Variants in ZNF385D observed in about 807,000 individuals in gnomAD.
The protein encoded by ZNF385D is zinc finger protein 659.
In ZNF385D, 15 loss-of-function variants were observed where a neutral mutation model predicts 35.8. The ratio of observed to expected loss-of-function variants is 0.42; its 90% CI spans 0.28 to 0.64. The LOEUF (loss-of-function observed/expected upper bound fraction) is 0.64. Ranked by LOEUF, ZNF385D falls within the 30% of genes least tolerant of loss-of-function variation. ZNF385D has a pLI of 0.23. For synonymous variants in ZNF385D, 212 were observed against 186.8 expected (o/e 1.13, Z -1.10); for missense variants, 474 against 494.6 (o/e 0.96, Z 0.39).
At chr3:21,802,284 C>T (rs1368390636) in intron 3 of ZNF385D, among the ~76,000 whole-genome samples, 1 of 152,114 alleles carries the variant, frequency 6.6e-6, no homozygotes, top group South Asian at 2.1e-4. Context: ...GTAAAGCTTA[C>T]AGCTTTAATC....
intron 2 of ZNF385D, among the ~76,000 whole-genome samples, chr3:22,250,901 T>A (rs554707980): frequency 6.6e-6 from 1 of 152,176 alleles, no homozygotes; most frequent in Non-Finnish European, 1.5e-5. Flanking sequence ...CTTCAAGAAC[T>A]TTATTAATGA....
At chr3:22,100,435 A>C (rs1411504863) in intron 3 of ZNF385D, among the ~76,000 whole-genome samples, 4 of 151,232 alleles carry the variant, frequency 2.6e-5, no homozygotes, top group Admixed American at 6.6e-5. Context: ...AACCAACCCA[A>C]ATGTCCAACA....
intron 4 of ZNF385D, among the ~76,000 whole-genome samples, chr3:21,469,045 CTG>C (rs576835322): frequency 1.0e-3 from 154 of 152,250 alleles, no homozygotes; most frequent in Non-Finnish European, 1.7e-3. Flanking sequence ...ATTGACTGGA[CTG>C]TGCATGAGTA....
intron 1 of ZNF385D, among the ~76,000 whole-genome samples, chr3:21,741,765 T>C (rs2069526669): frequency 6.6e-6 from 1 of 152,122 alleles, no homozygotes; most frequent in Non-Finnish European, 1.5e-5. Context: ...ATAAACTCTC[T>C]CAGTTTTCAA....
chr3:21,583,959 C>CTTATTTAT (rs56661908), intron 2 of ZNF385D, among the ~76,000 whole-genome samples: 28,801 of 138,044 alleles, frequency 0.21, 3,732 homozygotes, highest in Non-Finnish European at 0.29. Context: ...TACTTATTTA[C>CTTATTTAT]TTATTTATTT....
intron 3 of ZNF385D, among the ~76,000 whole-genome samples, chr3:22,131,302 T>C (rs796213325): frequency 2.4e-4 from 37 of 151,956 alleles, no homozygotes; most frequent in African/African-American, 5.3e-4. Context: ...CATGAAGTCA[T>C]TGGTGACCTT....
chr3:21,975,456 A>G (rs1333380087), intron 3 of ZNF385D, among the ~76,000 whole-genome samples: 1 of 152,092 alleles, frequency 6.6e-6, no homozygotes, highest in East Asian at 1.9e-4. Flanking sequence ...ATATGGTTAG[A>G]TAGAATGAAT....
chr3:22,007,243 C>A (rs1035948765), intron 3 of ZNF385D, among the ~76,000 whole-genome samples: 2 of 152,098 alleles, frequency 1.3e-5, no homozygotes, highest in Non-Finnish European at 1.5e-5. Flanking sequence ...TAAAAATAAG[C>A]AATGCTCTAC....
chr3:21,933,415 T>C (rs998621979), intron 3 of ZNF385D, among the ~76,000 whole-genome samples: 3 of 152,182 alleles, frequency 2.0e-5, no homozygotes, highest in African/African-American at 7.2e-5. Flanking sequence ...GTTTAAAATA[T>C]TAATACATGA....
At chr3:22,172,246 G>C (rs1359085609) in intron 2 of ZNF385D, among the ~76,000 whole-genome samples, 3 of 152,194 alleles carry the variant, frequency 2.0e-5, no homozygotes, top group Non-Finnish European at 4.4e-5. Flanking sequence ...GAATTATCCT[G>C]AGAGTAATTA....
At chr3:22,326,399 T>C (rs1410687943) in intron 2 of ZNF385D, among the ~76,000 whole-genome samples, 1 of 151,802 alleles carries the variant, frequency 6.6e-6, no homozygotes, top group African/African-American at 2.4e-5. Context: ...GGGGTGGGAG[T>C]GTGAGCCAGG....
intron 2 of ZNF385D, among the ~76,000 whole-genome samples, chr3:22,330,092 T>G (rs1164261712): frequency 1.3e-5 from 2 of 152,196 alleles, no homozygotes; most frequent in Non-Finnish European, 2.9e-5. Flanking sequence ...CTGAGCTAAC[T>G]CTAGTATTTA....
intron 3 of ZNF385D, among the ~76,000 whole-genome samples, chr3:22,130,346 C>A (rs558081319): frequency 8.2e-4 from 125 of 152,258 alleles, no homozygotes; most frequent in African/African-American, 2.9e-3. Context: ...GGCTTCAAAC[C>A]CAGCACAGCA....
Position 22,241,468 on chromosome 3 carries a change from T to G in ZNF385D, c.107-72433A>C, listed in dbSNP as rs146211731. 1.2e-3 allele frequency among the ~76,000 whole-genome samples: 178 copies of G among 151,402 alleles called. 5 individuals are homozygous for G. Among genetic ancestry groups the G allele is most frequent in the African/African-American group, 4.0e-3 (164 of 41,090 alleles). ...CTGAATCACTAGGTGCTGGCCTTGC[T>G]TCATCCACTGACTCAGTTTCCAAAT... On this transcript the variant is annotated intron_variant, in intron 2 of 5. Transcript: ENST00000494108.
chr3:22,147,382 G>A (rs1704929019), intron 3 of ZNF385D, among the ~76,000 whole-genome samples: 1 of 152,094 alleles, frequency 6.6e-6, no homozygotes, highest in Non-Finnish European at 1.5e-5. Context: ...CGGGCCATGG[G>A]AATTGGCCAT....
At chr3:22,293,915 G>A (rs1193086372) in intron 2 of ZNF385D, among the ~76,000 whole-genome samples, 1 of 151,954 alleles carries the variant, frequency 6.6e-6, no homozygotes, top group African/African-American at 2.4e-5. Flanking sequence ...GTTCATCTGG[G>A]GTTTCTTCTA....
Position 22,261,178 on chromosome 3 carries a change from G to A in ZNF385D, c.107-92143C>T, listed in dbSNP as rs189302729. On this transcript the variant is annotated intron_variant, in intron 2 of 5. Coordinates refer to the ZNF385D transcript ENST00000494108. ...CTACTTATAGCCTCTCAAATTTGTT[G>A]TTCATCCATACCCCACCAACAGCAA... Among the ~76,000 whole-genome samples, 259 of 151,770 alleles carry A rather than the reference G, an allele frequency of 1.7e-3. 2 individuals carry two copies. Among genetic ancestry groups the A allele is most frequent in the African/African-American group, 5.3e-3 (218 of 41,420 alleles).
chr3:22,026,665 T>TGAG (rs2125466905), intron 3 of ZNF385D, among the ~76,000 whole-genome samples: 1 of 152,280 alleles, frequency 6.6e-6, no homozygotes, highest in South Asian at 2.1e-4. Flanking sequence ...GTCCTCACAT[T>TGAG]GACTTCCTGA....
chr3:21,808,731 T>C lies in ZNF385D; in HGVS notation c.326-143703A>G, dbSNP rs1244729626. Among the ~76,000 whole-genome samples, 8 of 152,240 alleles carry C rather than the reference T, an allele frequency of 5.3e-5. 1 individual carries two copies. Among genetic ancestry groups the C allele is most frequent in the Admixed American group, 4.6e-4 (7 of 15,292 alleles). On this transcript the variant is annotated intron_variant, in intron 3 of 5. Coordinates refer to the ZNF385D transcript ENST00000494108. ...GACAGGAGTGATCTGAATGAAGAAA[T>C]GTTTTAAATCAGTGTTCAGAGTCCC...
Sources: allele counts gnomAD v4.1 joint callset (sites outside exome capture counted in the v4.1 genomes callset), GRCh38; gene constraint gnomAD v4.1.1; transcripts MANE v1.5; gene names NCBI Gene and HGNC (gene_info 2026-07-23, HGNC 2026-07-21).